The following CLTCL1 variants were observed in gnomAD, a reference collection of about 807,000 sequenced individuals.
CLTCL1 encodes the protein clathrin heavy chain 2.
In CLTCL1, 159 loss-of-function variants were observed where a neutral mutation model predicts 190.0. The ratio of observed to expected loss-of-function variants is 0.84; its 90% confidence interval spans 0.74 to 0.95. The LOEUF (loss-of-function observed/expected upper bound fraction) is 0.95. Ranked by LOEUF, CLTCL1 falls within the 40% of genes least tolerant of loss-of-function variation. CLTCL1 has a pLI of 0.00. For missense variants in CLTCL1, 1,878 were observed against 2,033.4 expected (o/e 0.92, Z 1.47); for synonymous variants, 752 against 769.6 (o/e 0.98, Z 0.38).
At chr22:19,245,959 T>C (rs1947275866) in intron 3 of CLTCL1, among the ~76,000 whole-genome samples, 3 of 152,242 alleles carry the variant, frequency 2.0e-5, no homozygotes, top group African/African-American at 2.4e-5. Context: ...AAAATGCTAT[T>C]ACGAATATCT....
At chr22:19,205,263 A>G (rs2085014889) in intron 22 of CLTCL1, among the ~76,000 whole-genome samples, 1 of 152,184 alleles carries the variant, frequency 6.6e-6, no homozygotes, top group Non-Finnish European at 1.5e-5. Flanking sequence ...TAATCCCAGC[A>G]CTTTGGGAGG....
chr22:19,291,301 G>T (rs1207701015), intron 1 of CLTCL1, among the ~76,000 whole-genome samples: 2 of 152,168 alleles, frequency 1.3e-5, no homozygotes, highest in Non-Finnish European at 2.9e-5. Context: ...CCTGCAGCGG[G>T]AATTTGTGTG....
Position 19,199,716 on chromosome 22 carries a change from C to A in CLTCL1, c.3873+18G>T. The A allele has an allele frequency of 6.5e-7, 1 of 1,549,786 alleles. No individual in the cohort carries two copies. Among genetic ancestry groups the A allele is most frequent in the Non-Finnish European group, 8.8e-7 (1 of 1,140,856 alleles). ...CATCACTTGTCATCTGCATTACCAG[C>A]AGAGATCATCTGGTCACCTGGTAAT... On this transcript the variant is annotated intron_variant, in intron 24 of 32. Coordinates refer to ENST00000427926, the MANE Select transcript of CLTCL1 (RefSeq NM_007098.4).
intron 32 of CLTCL1, 61 bp downstream of exon 32, chr22:19,180,138 G>A: frequency 2.7e-6 from 4 of 1,455,650 alleles, no homozygotes; most frequent in Admixed American, 1.7e-5. Flanking sequence ...AAGGAGCGTG[G>A]GGTCAGCCAG....
At chr22:19,253,013 CAAAA>C (rs36070702) in intron 3 of CLTCL1, among the ~76,000 whole-genome samples, 1 of 61,886 alleles carries the variant, frequency 1.6e-5, no homozygotes, top group Non-Finnish European at 3.3e-5. Context: ...GACTCCGTCT[CAAAA>C]AAAAAAAAAA....
intron 12 of CLTCL1, 107 bp from the exon 13 acceptor site, chr22:19,225,740 A>G: frequency 9.3e-7 from 1 of 1,074,036 alleles, no homozygotes; most frequent in Non-Finnish European, 1.3e-6. Flanking sequence ...TCAAAAATAC[A>G]GAGAATTTCC....
intron 10 of CLTCL1, among the ~76,000 whole-genome samples, chr22:19,230,329 C>A (rs1191781242): frequency 6.6e-6 from 1 of 152,122 alleles, no homozygotes; most frequent in Non-Finnish European, 1.5e-5. Context: ...GTCTCGAACT[C>A]CCGACTTCAG....
intron 26 of CLTCL1, among the ~76,000 whole-genome samples, chr22:19,194,594 C>T (rs1302308882): frequency 6.6e-6 from 1 of 152,222 alleles, no homozygotes; most frequent in Non-Finnish European, 1.5e-5. Flanking sequence ...AAGAAGCGCC[C>T]ACCGGATGCC....
At chr22:19,227,275 A>ATTT (rs1601583481) in intron 11 of CLTCL1, among the ~76,000 whole-genome samples, 1 of 145,750 alleles carries the variant, frequency 6.9e-6, no homozygotes, top group Admixed American at 6.9e-5. Context: ...GAGGCATAAA[A>ATTT]TCTTTTTTTT....
chr22:19,290,142 G>C (rs1460980463), intron 1 of CLTCL1, among the ~76,000 whole-genome samples: 1 of 152,118 alleles, frequency 6.6e-6, no homozygotes, highest in Non-Finnish European at 1.5e-5. Context: ...AAACTCTGAT[G>C]GACACCTAAA....
At chr22:19,190,596 C>CAAAAAAAAAAAAAAAAA (rs55780206) in intron 27 of CLTCL1, among the ~76,000 whole-genome samples, 38 of 72,818 alleles carry the variant, frequency 5.2e-4, no homozygotes, top group Non-Finnish European at 6.6e-4. Flanking sequence ...AAGACTGTCT[C>CAAAAAAAAAAAAAAAAA]AAAAAAAAAA....
intron 27 of CLTCL1, among the ~76,000 whole-genome samples, chr22:19,190,591 T>A (rs1266845833): frequency 1.5e-5 from 1 of 66,786 alleles, no homozygotes; most frequent in Non-Finnish European, 2.5e-5. Flanking sequence ...AGAGCAAGAC[T>A]GTCTCAAAAA....
rs370801051 is a variant in CLTCL1, at chr22:19,208,878, G to C, written c.3442+44C>G. 19 of 1,476,700 alleles carry C rather than the reference G, an allele frequency of 1.3e-5. No individual in the cohort carries two copies. In the African/African-American group the frequency reaches 2.2e-4, roughly 17 times the overall value. The allele number at this position is 1,476,700 out of a possible 1,614,324, so 91.5% of individuals were successfully genotyped here. On this transcript the variant is annotated intron_variant, in intron 21 of 32. Coordinates refer to ENST00000427926, the MANE Select transcript of CLTCL1 (RefSeq NM_007098.4). ...CAACTTCTTGCTTCAGCCAGGTTTT[G>C]CATCAGTGAGATGCAGAGCCCTAGG...
At chr22:19,186,447 G>A (rs1181856771) in intron 29 of CLTCL1, among the ~76,000 whole-genome samples, 1 of 152,088 alleles carries the variant, frequency 6.6e-6, no homozygotes, top group African/African-American at 2.4e-5. Context: ...GTCTGAGAAT[G>A]ATACTAAGAA....
intron 18 of CLTCL1, among the ~76,000 whole-genome samples, chr22:19,218,544 C>T (rs886278376): frequency 6.6e-6 from 1 of 152,200 alleles, no homozygotes; most frequent in Non-Finnish European, 1.5e-5. Context: ...TCAAGCCTTT[C>T]GAAAGCACTG....
chr22:19,280,992 A>G (rs1310379161), intron 1 of CLTCL1, among the ~76,000 whole-genome samples: 1 of 151,654 alleles, frequency 6.6e-6, no homozygotes, highest in Non-Finnish European at 1.5e-5. Context: ...CCATTTTACA[A>G]GATGAAAAGA....
Position 19,224,015 on chromosome 22 carries a change from T to G in CLTCL1, c.2168A>C (p.Gln723Pro). 6.2e-7 allele frequency: 1 copy of G among 1,614,006 alleles called. No homozygotes were observed. Among genetic ancestry groups the G allele is most frequent in the Non-Finnish European group, 8.5e-7 (1 of 1,179,898 alleles). ...YFLGSIVNFS[Q>P]DPDVHLKYIQ... The stretch of plus-strand genomic sequence containing the variant: ...GTATTTCAGATGCACATCTGGGTCT[T>G]GGCTGAAGTTCACGATTGAGCCCAG... Residue 723 changes from glutamine (Q) to proline (P), a missense_variant, in exon 14 of 33, where the codon CAA becomes CCA. Gln to Pro is a moderately conservative substitution (Grantham distance 76, BLOSUM62 -1). Coordinates refer to ENST00000427926, the MANE Select transcript of CLTCL1 (RefSeq NM_007098.4).
In CLTCL1 at chr22:19,191,420, G is replaced by C; in HGVS notation, c.4207C>G (p.Leu1403Val). The C allele has an allele frequency of 1.2e-6, 2 of 1,613,710 alleles. No individual in the cohort carries two copies. The highest frequency in any genetic ancestry group is 1.7e-6 in the Non-Finnish European group (2 of 1,179,880). The change falls in exon 27 of 33, where the codon CTC (leucine) becomes GTC (valine). Residue 1403 changes from leucine to valine, a missense_variant. Coordinates refer to ENST00000427926, the MANE Select transcript of CLTCL1 (RefSeq NM_007098.4). ...DIITKVANVE[L>V]CYRALQFYLD... Reference sequence around the variant, plus strand: ...TAGAACTGCAGGGCTCTGTAACAGAGCTCGACGTTGGCAACCTGTGGTGAG... The same window carrying C: ...TAGAACTGCAGGGCTCTGTAACAGACCTCGACGTTGGCAACCTGTGGTGAG...
rs1398858678 is a variant in CLTCL1, at chr22:19,291,636, C to T, written c.6G>A (p.Ala2=). 4 of 1,400,924 alleles carry T rather than the reference C, an allele frequency of 2.9e-6. No individual in the cohort carries two copies. The highest frequency in any genetic ancestry group is 1.5e-5 in the South Asian group (1 of 65,796). The allele number at this position is 1,400,924 out of a possible 1,614,324, so 86.8% of individuals were successfully genotyped here. Residue 2 remains alanine (A), a synonymous_variant, in exon 1 of 33, where the codon GCG becomes GCA. Coordinates refer to ENST00000427926, the MANE Select transcript of CLTCL1 (RefSeq NM_007098.4). ...CCTGAAAGCGAACAGGGAGGATCTGCGCCATGGCTGGTGCGGGACCTCGGC... is the reference window on the plus strand; with the variant it reads ...CCTGAAAGCGAACAGGGAGGATCTGTGCCATGGCTGGTGCGGGACCTCGGC... M[A]QILPVRFQEH... is the part of the protein sequence containing the mutation.
Sources: allele counts gnomAD v4.1 joint callset (sites outside exome capture counted in the v4.1 genomes callset), GRCh38; gene constraint gnomAD v4.1.1; transcripts MANE v1.5; gene names NCBI Gene and HGNC (gene_info 2026-07-23, HGNC 2026-07-21).